Variants in IMMP1L observed in about 807,000 individuals in gnomAD.
The protein encoded by IMMP1L is mitochondrial inner membrane protease subunit 1.
In IMMP1L, 24 loss-of-function variants were observed where a neutral mutation model predicts 21.8. That is an observed-to-expected ratio of 1.10 (90% confidence interval 0.80 to 1.55). The LOEUF (loss-of-function observed/expected upper bound fraction) is 1.55. Among genes scored for constraint, IMMP1L ranks in the 40% most tolerant of loss-of-function variants. IMMP1L has a pLI of 0.00. For synonymous variants in IMMP1L, 46 were observed against 62.8 expected, an observed-to-expected ratio of 0.73 and a Z score of 1.26; for missense variants, 195 against 200.7, an observed-to-expected ratio of 0.97 and a Z score of 0.17.
At chr11:31,453,175 A>G (rs892949732) in intron 4 of IMMP1L, 1 of 1,096,654 alleles carries the variant, frequency 9.1e-7, no homozygotes, top group African/African-American at 1.6e-5. Flanking sequence ...ACAAACAAAC[A>G]AAAAAGAACT....
chr11:31,438,032 A>G (rs1014193261), intron 4 of IMMP1L, among the ~76,000 whole-genome samples: 13 of 152,176 alleles, frequency 8.5e-5, no homozygotes, highest in Non-Finnish European at 1.8e-4. Flanking sequence ...AAAATAAAGC[A>G]CTGTGAACAT....
At chr11:31,501,282 T>C (rs1484682259) in intron 1 of IMMP1L, among the ~76,000 whole-genome samples, 2 of 152,204 alleles carry the variant, frequency 1.3e-5, no homozygotes, top group Admixed American at 1.3e-4. Flanking sequence ...AAAAAGCATG[T>C]GTTGAAAATT....
intron 1 of IMMP1L, among the ~76,000 whole-genome samples, chr11:31,500,531 A>T (rs1955584274): frequency 6.6e-6 from 1 of 151,970 alleles, no homozygotes; most frequent in Non-Finnish European, 1.5e-5. Flanking sequence ...AAAGGAGTTA[A>T]TCTTCCTAAA....
In IMMP1L at chr11:31,460,639, A is replaced by T. The variant is rs374734567; in HGVS notation, c.181T>A (p.Tyr61Asn). ...ACAGAAATTTACCTTTGGATACCAT[A>T]AAAATGTCGACTAAGATTTTCTGCA... is the stretch of plus-strand genomic sequence containing the variant. Reference protein sequence around the residue: ...VFAENLSRHFYGIQRGDIVIA... With the variant: ...VFAENLSRHFNGIQRGDIVIA... The change falls in exon 3 of 6, where the codon TAT (tyrosine) becomes AAT (asparagine). Residue 61 changes from tyrosine to asparagine, a missense_variant. By Grantham distance (143) the Tyr-to-Asn change is moderately radical (BLOSUM62 -2). Coordinates refer to ENST00000532287, the MANE Select transcript of IMMP1L (RefSeq NM_001304274.2). 7 of 1,602,436 alleles carry T rather than the reference A, an allele frequency of 4.4e-6. No homozygotes were observed. The African/African-American group carries it at 9.4e-5, about 21-fold the overall frequency.
At chr11:31,499,097 G>T (rs1955538348) in intron 1 of IMMP1L, among the ~76,000 whole-genome samples, 1 of 152,132 alleles carries the variant, frequency 6.6e-6, no homozygotes, top group African/African-American at 2.4e-5. Flanking sequence ...CGGGCGAGGT[G>T]GCTTACACTG....
At chr11:31,505,585 T>C (rs1955751679) in intron 1 of IMMP1L, among the ~76,000 whole-genome samples, 1 of 152,238 alleles carries the variant, frequency 6.6e-6, no homozygotes, top group African/African-American at 2.4e-5. Flanking sequence ...GAAATGGTAC[T>C]GTACAAAAAC....
chr11:31,434,459 A>G (rs944088471), intron 4 of IMMP1L, among the ~76,000 whole-genome samples: 4 of 152,162 alleles, frequency 2.6e-5, no homozygotes, highest in Admixed American at 2.0e-4. Context: ...TTTGTTATCT[A>G]AGACAGTTGA....
intron 3 of IMMP1L, among the ~76,000 whole-genome samples, chr11:31,459,255 T>G (rs1320507228): frequency 6.6e-6 from 1 of 152,184 alleles, no homozygotes; most frequent in African/African-American, 2.4e-5. Flanking sequence ...GAAAGATCAG[T>G]AAATGTGAAG....
chr11:31,492,327 C>T (rs1955283413), intron 1 of IMMP1L, among the ~76,000 whole-genome samples: 1 of 152,140 alleles, frequency 6.6e-6, no homozygotes, highest in Non-Finnish European at 1.5e-5. Flanking sequence ...AGCTTCCTCA[C>T]CTCTCTCAGC....
chr11:31,470,732 C>T (rs1375795127), intron 1 of IMMP1L, among the ~76,000 whole-genome samples: 2 of 151,988 alleles, frequency 1.3e-5, no homozygotes, highest in African/African-American at 4.8e-5. Context: ...CTTACATGTC[C>T]AACAGATGAA....
intron 4 of IMMP1L, among the ~76,000 whole-genome samples, chr11:31,439,561 T>C (rs1225620544): frequency 3.3e-5 from 5 of 152,194 alleles, no homozygotes; most frequent in Non-Finnish European, 7.3e-5. Flanking sequence ...TTACTTTTGA[T>C]TATGTGTTAC....
At chr11:31,433,693 C>G (rs1489299394) in intron 4 of IMMP1L, 123 bp from the exon 5 acceptor site, 1 of 467,678 alleles carries the variant, frequency 2.1e-6, no homozygotes, top group African/African-American at 2.0e-5. Flanking sequence ...AGAATAGATA[C>G]AAATCCTAAT....
At chr11:31,487,779 C>T (rs754107610) in intron 1 of IMMP1L, among the ~76,000 whole-genome samples, 10 of 152,142 alleles carry the variant, frequency 6.6e-5, no homozygotes, top group Non-Finnish European at 1.3e-4. Flanking sequence ...CTAGAAGCAT[C>T]CTTCAGTGTG....
chr11:31,486,737 TAAC>T (rs1955091708), intron 1 of IMMP1L, among the ~76,000 whole-genome samples: 1 of 151,734 alleles, frequency 6.6e-6, no homozygotes, highest in African/African-American at 2.4e-5. Flanking sequence ...TAATACATAA[TAAC>T]AAAAATGAAT....
intron 1 of IMMP1L, among the ~76,000 whole-genome samples, chr11:31,476,704 A>G (rs137857009): frequency 2.4e-4 from 36 of 152,264 alleles, no homozygotes; most frequent in African/African-American, 8.4e-4. Context: ...CTCTAAGATC[A>G]TAACACTGAC....
chr11:31,449,106 T>A (rs1591959581), intron 4 of IMMP1L: 2 of 984,438 alleles, frequency 2.0e-6, no homozygotes. Context: ...AAAAAACAAG[T>A]CGCTTGTTTA....
intron 1 of IMMP1L, among the ~76,000 whole-genome samples, chr11:31,483,931 AAT>A (rs528067966): frequency 1.2e-3 from 190 of 152,022 alleles, no homozygotes; most frequent in Non-Finnish European, 2.4e-3. Flanking sequence ...TACTAGAATC[AAT>A]ATGATTTATA....
chr11:31,469,862 T>C (rs1239799971), intron 1 of IMMP1L: 1 of 152,096 alleles, frequency 6.6e-6, no homozygotes, highest in African/African-American at 2.4e-5. Context: ...AAAGAAACAA[T>C]TTTGTCTGTT....
chr11:31,452,357 T>A, intron 4 of IMMP1L: 1 of 985,328 alleles, frequency 1.0e-6, no homozygotes. Context: ...TTAATTGGCT[T>A]TATAACAAAA....
Sources: gnomAD v4.1 joint callset for allele counts (sites outside exome capture counted in the v4.1 genomes callset) on GRCh38, gnomAD v4.1.1 for gene constraint, MANE v1.5 for transcripts, NCBI Gene and HGNC (gene_info 2026-07-23, HGNC 2026-07-21) for gene names.